The following GRM8 variants were observed in gnomAD, a reference collection of about 807,000 sequenced individuals.
The protein encoded by GRM8 is glutamate metabotropic receptor 8.
Under a neutral mutation model 87.2 loss-of-function variants are expected in GRM8, and 47 were observed. That is an observed-to-expected ratio of 0.54 (90% confidence interval 0.43 to 0.69). The LOEUF is 0.69. Ranked by LOEUF, GRM8 falls within the 30% of genes least tolerant of loss-of-function variation. The pLI is 0.00. For missense variants in GRM8, 1,019 were observed against 1,139.2 expected, an observed-to-expected ratio of 0.89 and a Z score of 1.52; for synonymous variants, 396 against 404.5, an observed-to-expected ratio of 0.98 and a Z score of 0.25.
intron 6 of GRM8, among the ~76,000 whole-genome samples, chr7:126,816,062 C>G (rs554789621): frequency 6.6e-6 from 1 of 152,018 alleles, no homozygotes; most frequent in East Asian, 1.9e-4. Flanking sequence ...ACAATCTCCA[C>G]AGCAATGAGC....
rs537290881 is a variant in GRM8, at chr7:126,476,022, G to A, written c.2431-29650C>T. ...TAAAACTCTTTGCATAAAACACAGG[G>A]AAAAGCTCCTTTATGTTGGTCTTGG... is the stretch of plus-strand genomic sequence containing the variant. On this transcript the variant is annotated intron_variant, in intron 9 of 10. Coordinates refer to ENST00000339582, the MANE Select transcript of GRM8 (RefSeq NM_000845.3). Among the ~76,000 whole-genome samples the A allele has an allele frequency of 5.3e-4, 81 of 152,058 alleles. 1 individual carries two copies. The South Asian group carries it at 0.016, about 30-fold the overall frequency.
At chr7:127,088,638 G>A (rs752991802) in intron 3 of GRM8, among the ~76,000 whole-genome samples, 15 of 152,308 alleles carry the variant, frequency 9.8e-5, no homozygotes, top group Non-Finnish European at 1.6e-4. Flanking sequence ...TACAGTCTAC[G>A]TAGAACGCAG....
intron 3 of GRM8, among the ~76,000 whole-genome samples, chr7:126,970,080 C>T (rs1225160150): frequency 1.3e-5 from 2 of 151,832 alleles, no homozygotes; most frequent in Non-Finnish European, 2.9e-5. Context: ...TACTGTAATC[C>T]AAGTTTTATT....
chr7:126,441,391 A>G (rs1199950021), intron 10 of GRM8, among the ~76,000 whole-genome samples: 1 of 152,108 alleles, frequency 6.6e-6, no homozygotes, highest in Non-Finnish European at 1.5e-5. Flanking sequence ...ATATTATGCC[A>G]AATTTATACT....
chr7:127,229,618 G>T (rs1184253994), intron 2 of GRM8: 1 of 152,106 alleles, frequency 6.6e-6, no homozygotes, highest in East Asian at 1.9e-4. Context: ...AAATAGGTGG[G>T]GTTAACCAGG....
chr7:126,499,829 G>T (rs1239363600), intron 9 of GRM8, among the ~76,000 whole-genome samples: 2 of 151,742 alleles, frequency 1.3e-5, no homozygotes, highest in Non-Finnish European at 2.9e-5. Context: ...GGAAATGTTG[G>T]TCAATTAGAT....
intron 2 of GRM8, among the ~76,000 whole-genome samples, chr7:127,210,544 T>G (rs2237805): frequency 0.66 from 100,114 of 152,072 alleles, 34,785 homozygotes; most frequent in African/African-American, 0.87. Flanking sequence ...ATTTAGGTGT[T>G]AGGTGAGAAT....
At chr7:127,091,578 C>T (rs1175989077) in intron 3 of GRM8, among the ~76,000 whole-genome samples, 1 of 124,238 alleles carries the variant, frequency 8.0e-6, no homozygotes, top group African/African-American at 3.2e-5. Flanking sequence ...TCCACCCCAT[C>T]CCACTCGTCA....
chr7:126,803,616 C>T (rs1792328580), intron 6 of GRM8, among the ~76,000 whole-genome samples: 1 of 152,192 alleles, frequency 6.6e-6, no homozygotes, highest in Non-Finnish European at 1.5e-5. Context: ...TTCTTCCAGT[C>T]CTGCACATTC....
In GRM8 at chr7:126,733,656, A is replaced by G. The variant is rs1749680756; in HGVS notation, c.1357+36209T>C. Among the ~76,000 whole-genome samples the G allele has an allele frequency of 3.3e-5, 5 of 152,024 alleles. No individual in the cohort carries two copies. In the South Asian group the frequency reaches 1.0e-3, roughly 31 times the overall value. The stretch of plus-strand genomic sequence containing the variant: ...ACATTTGGAAAAAATTGATAAACGC[A>G]TTAATAACGGACAAAAATACATCAT... On this transcript the variant is annotated intron_variant, in intron 7 of 10. Coordinates refer to ENST00000339582, the MANE Select transcript of GRM8 (RefSeq NM_000845.3).
chr7:127,071,790 ATT>A (rs560127597), intron 3 of GRM8, among the ~76,000 whole-genome samples: 1 of 151,138 alleles, frequency 6.6e-6, no homozygotes, highest in African/African-American at 2.4e-5. Context: ...ATATATACAT[ATT>A]TTTTTTTGCC....
chr7:127,015,838 C>A (rs1034213620), intron 3 of GRM8, among the ~76,000 whole-genome samples: 5 of 152,046 alleles, frequency 3.3e-5, no homozygotes, highest in Non-Finnish European at 7.4e-5. Flanking sequence ...GCCCAACCAG[C>A]TGAAAGAGGA....
intron 8 of GRM8, among the ~76,000 whole-genome samples, chr7:126,535,164 C>T (rs2079405234): frequency 6.6e-6 from 1 of 152,210 alleles, no homozygotes; most frequent in Non-Finnish European, 1.5e-5. Flanking sequence ...CCCCCAATAA[C>T]CTCACTTCTG....
chr7:126,838,691 T>C (rs1468160669), intron 6 of GRM8, among the ~76,000 whole-genome samples: 2 of 152,220 alleles, frequency 1.3e-5, no homozygotes, highest in Non-Finnish European at 2.9e-5. Context: ...TCCAGATCTG[T>C]AGTTACTAAC....
At chr7:126,806,178 T>C (rs1460996166) in intron 6 of GRM8, among the ~76,000 whole-genome samples, 1 of 152,178 alleles carries the variant, frequency 6.6e-6, no homozygotes, top group African/African-American at 2.4e-5. Context: ...CCAGAGTTTA[T>C]TCCTTCCGGT....
At chr7:127,206,162 C>T (rs547953161) in intron 2 of GRM8, among the ~76,000 whole-genome samples, 30 of 152,316 alleles carry the variant, frequency 2.0e-4, no homozygotes, top group Non-Finnish European at 1.5e-5. Flanking sequence ...TCAACCTCTA[C>T]CTACAGAGAG....
intron 3 of GRM8, among the ~76,000 whole-genome samples, chr7:127,047,065 A>G (rs1305369051): frequency 6.6e-6 from 1 of 152,196 alleles, no homozygotes; most frequent in Non-Finnish European, 1.5e-5. Context: ...CTGAACATTT[A>G]GCAACAATAT....
chr7:126,806,517 T>C (rs1792745161), intron 6 of GRM8, among the ~76,000 whole-genome samples: 1 of 152,246 alleles, frequency 6.6e-6, no homozygotes, highest in Non-Finnish European at 1.5e-5. Context: ...ATCCTGCTGA[T>C]TGGTCCATTT....
chr7:126,476,285 G>A (rs896232820), intron 9 of GRM8, among the ~76,000 whole-genome samples: 2 of 152,056 alleles, frequency 1.3e-5, no homozygotes, highest in Non-Finnish European at 2.9e-5. Context: ...GCCAGGCATA[G>A]TGGCATATGC....
Sources: gnomAD v4.1 joint callset for allele counts (sites outside exome capture counted in the v4.1 genomes callset) on GRCh38, gnomAD v4.1.1 for gene constraint, MANE v1.5 for transcripts, NCBI Gene and HGNC (gene_info 2026-07-23, HGNC 2026-07-21) for gene names.